Variants in FUT8 observed in about 807,000 individuals in gnomAD.
FUT8 encodes alpha-(1,6)-fucosyltransferase.
A neutral mutation model predicts 71.3 loss-of-function variants in FUT8; 29 were observed. That is an observed-to-expected ratio of 0.41 (90% CI 0.30 to 0.55). The LOEUF (loss-of-function observed/expected upper bound fraction) is 0.55. Ranked by LOEUF, FUT8 falls within the 20% of genes least tolerant of loss-of-function variation. The pLI is 0.34. For missense variants in FUT8, 544 were observed against 702.1 expected, an observed-to-expected ratio of 0.77 and a Z score of 2.55; for synonymous variants, 254 against 239.3, an observed-to-expected ratio of 1.06 and a Z score of -0.57.
chr14:65,462,003 G>GGGA (rs2065975658), intron 2 of FUT8, among the ~76,000 whole-genome samples: 1 of 152,150 alleles, frequency 6.6e-6, no homozygotes, highest in Non-Finnish European at 1.5e-5. Flanking sequence ...AACAGTCTGT[G>GGGA]GGACTATTGG....
the FUT8 span, among the ~76,000 whole-genome samples, chr14:65,377,604 A>G: frequency 1.3e-5 from 2 of 152,214 alleles, no homozygotes; most frequent in East Asian, 3.8e-4. Context: ...TGATCCCGGT[A>G]TGGCCTTGCT....
Position 65,607,848 on chromosome 14 carries a change from G to A in FUT8, c.204-8130G>A, listed in dbSNP as rs1225135685. Reference sequence around the variant, plus strand: ...GGAGGCTGAAGTGGGCAGATCATGAGGTCAGGAGATCGAGACCATTACTGG... The same window carrying A: ...GGAGGCTGAAGTGGGCAGATCATGAAGTCAGGAGATCGAGACCATTACTGG... On this transcript the variant is annotated intron_variant, in intron 3 of 10. Coordinates refer to ENST00000673929, the MANE Select transcript of FUT8 (RefSeq NM_001371533.1). The surrounding 1 kb of genome is among the most constrained non-coding windows in gnomAD (Gnocchi z 4.1). Among the ~76,000 whole-genome samples the A allele has an allele frequency of 1.3e-5, 2 of 151,806 alleles. No individual in the cohort carries two copies. The highest frequency in any genetic ancestry group is 2.4e-5 in the African/African-American group (1 of 41,382).
chr14:65,538,877 C>T (rs765312483), intron 2 of FUT8, among the ~76,000 whole-genome samples: 18 of 152,020 alleles, frequency 1.2e-4, no homozygotes, highest in African/African-American at 2.4e-4. Context: ...GCCAAGATCG[C>T]GCCATTGCAC....
At chr14:65,459,203 A>G (rs2065938292) in intron 2 of FUT8, among the ~76,000 whole-genome samples, 2 of 152,334 alleles carry the variant, frequency 1.3e-5, no homozygotes, top group East Asian at 3.9e-4. Flanking sequence ...AGAGTCAAAG[A>G]TAATGCTGTG....
chr14:65,626,867 ATC>A, intron 5 of FUT8, among the ~76,000 whole-genome samples: 1 of 152,354 alleles, frequency 6.6e-6, no homozygotes, highest in Non-Finnish European at 1.5e-5. Flanking sequence ...ATAATCCATA[ATC>A]TTAAGCATGC....
chr14:65,508,490 A>ATTTT (rs1882089394), intron 2 of FUT8, among the ~76,000 whole-genome samples: 1 of 47,404 alleles, frequency 2.1e-5, no homozygotes, highest in African/African-American at 7.9e-5. Flanking sequence ...GAGTTGTTTG[A>ATTTT]GTTTTTTTTT....
chr14:65,564,290 G>T (rs1329053447), intron 3 of FUT8, among the ~76,000 whole-genome samples: 2 of 152,024 alleles, frequency 1.3e-5, no homozygotes, highest in Non-Finnish European at 2.9e-5. Flanking sequence ...GTTTCTTTGA[G>T]ATAAGGCATA....
At chr14:65,437,249 T>A (rs2065575838) in intron 1 of FUT8, among the ~76,000 whole-genome samples, 1 of 152,150 alleles carries the variant, frequency 6.6e-6, no homozygotes, top group African/African-American at 2.4e-5. Flanking sequence ...AACAAAAGCT[T>A]AGGGTATCAG....
intron 6 of FUT8, among the ~76,000 whole-genome samples, chr14:65,668,026 A>G (rs945331749): frequency 3.9e-5 from 6 of 152,204 alleles, no homozygotes; most frequent in Non-Finnish European, 8.8e-5. Flanking sequence ...CTATATGCAT[A>G]AGATTGAAAC....
intron 1 of FUT8, among the ~76,000 whole-genome samples, chr14:65,446,418 C>T (rs534564642): frequency 6.6e-6 from 1 of 152,136 alleles, no homozygotes; most frequent in Non-Finnish European, 1.5e-5. Flanking sequence ...CTCTTTGTGA[C>T]GTTAGCAGCC....
At chr14:65,492,472 C>G (rs1038817436) in intron 2 of FUT8, among the ~76,000 whole-genome samples, 1 of 152,164 alleles carries the variant, frequency 6.6e-6, no homozygotes, top group Non-Finnish European at 1.5e-5. Context: ...TTTTGTACGT[C>G]ACTTCCTTTT....
chr14:65,601,250 A>C (rs1038949715), intron 3 of FUT8, among the ~76,000 whole-genome samples: 3 of 152,178 alleles, frequency 2.0e-5, no homozygotes, highest in African/African-American at 7.2e-5. Context: ...GAATAAAGTG[A>C]TATTTTCTTT....
chr14:65,571,730 C>T (rs1886487653), intron 3 of FUT8, among the ~76,000 whole-genome samples: 1 of 151,838 alleles, frequency 6.6e-6, no homozygotes, highest in Non-Finnish European at 1.5e-5. Context: ...TTCTTCACAC[C>T]CAAGACTTGA....
intron 2 of FUT8, among the ~76,000 whole-genome samples, chr14:65,560,394 G>T (rs1407209688): frequency 2.0e-5 from 3 of 152,046 alleles, no homozygotes; most frequent in Non-Finnish European, 4.4e-5. Context: ...TTGCCAGATT[G>T]GTCTCAAACT....
rs142513547 is a variant in FUT8 at position 65,634,308 on chromosome 14, G to C, written c.597+4702G>C. ...GAAACATGTGCTGTGTCCACTCAGC[G>C]TTAAATGGATTAAGGGCGGTGCAAG... On this transcript the variant is annotated intron_variant, in intron 6 of 10. Coordinates refer to ENST00000673929, the MANE Select transcript of FUT8 (RefSeq NM_001371533.1). 2.6e-3 allele frequency among the ~76,000 whole-genome samples: 390 copies of C among 152,166 alleles called. 2 individuals are homozygous for C. Among genetic ancestry groups the C allele is most frequent in the African/African-American group, 8.7e-3 (363 of 41,496 alleles).
chr14:65,421,415 G>A (rs2065292903), intron 1 of FUT8, among the ~76,000 whole-genome samples: 1 of 152,058 alleles, frequency 6.6e-6, no homozygotes, highest in Non-Finnish European at 1.5e-5. Context: ...GTAACTTTAT[G>A]GCAATACGTC....
intron 6 of FUT8, among the ~76,000 whole-genome samples, chr14:65,650,723 A>C (rs200603803): frequency 0.14 from 20,727 of 150,020 alleles, 1,934 homozygotes; most frequent in South Asian, 0.27. Flanking sequence ...AAAAAAAAAA[A>C]AAAAAACAAA....
chr14:65,710,435 G>C (rs1006443165), intron 7 of FUT8, among the ~76,000 whole-genome samples: 1 of 152,110 alleles, frequency 6.6e-6, no homozygotes, highest in African/African-American at 2.4e-5. Context: ...AACATAGCAT[G>C]TACTATGTTA....
intron 1 of FUT8, among the ~76,000 whole-genome samples, chr14:65,450,032 T>C (rs17102686): frequency 0.062 from 9,431 of 152,318 alleles, 518 homozygotes; most frequent in South Asian, 0.21. Context: ...TGTTTTCCCA[T>C]GACTTTGGGT....
Sources: allele counts gnomAD v4.1 joint callset (sites outside exome capture counted in the v4.1 genomes callset), GRCh38; gene constraint gnomAD v4.1.1; non-coding constraint Gnocchi (gnomAD v3.1); transcripts MANE v1.5; gene names NCBI Gene and HGNC (gene_info 2026-07-23, HGNC 2026-07-21).